Variants in ME3 observed in about 807,000 individuals in gnomAD.
The protein encoded by ME3 is NADP-dependent malic enzyme, mitochondrial.
A neutral mutation model predicts 68.9 loss-of-function variants in ME3; 48 were observed. The ratio of observed to expected loss-of-function variants is 0.70; its 90% CI spans 0.55 to 0.89. ME3 has a LOEUF of 0.89. Ranked by LOEUF, ME3 falls within the 40% of genes least tolerant of loss-of-function variation. The pLI is 0.00. For missense variants in ME3, 675 were observed against 797.4 expected (o/e 0.85, Z 1.85); for synonymous variants, 320 against 318.8 (o/e 1.00, Z -0.04).
Position 86,450,284 on chromosome 11 carries a change from C to A in ME3, c.1017+17G>T, listed in dbSNP as rs1432116267. The A allele has an allele frequency of 6.2e-7, 1 of 1,611,690 alleles. No individual in the cohort carries two copies. The highest frequency in any genetic ancestry group is 1.3e-5 in the African/African-American group (1 of 75,014). ...TCTCTTCCTGGAGCAACCAAAGAAA[C>A]CCTCAATGCCACATACCTCGCCTGC... On this transcript the variant is annotated intron_variant, in intron 9 of 14. Coordinates refer to ENST00000543262, the Ensembl canonical transcript of ME3.
At chr11:86,621,015 G>C (rs994317703) in intron 2 of ME3, among the ~76,000 whole-genome samples, 1 of 152,144 alleles carries the variant, frequency 6.6e-6, no homozygotes, top group African/African-American at 2.4e-5. Context: ...CTCCACCAAA[G>C]TAAGGTCTGG....
intron 6 of ME3, among the ~76,000 whole-genome samples, chr11:86,490,147 G>T (rs1594157794): frequency 6.6e-6 from 1 of 152,090 alleles, no homozygotes; most frequent in East Asian, 1.9e-4. Context: ...TGTGGGGGAG[G>T]GTGTAGTTTA....
intron 2 of ME3, among the ~76,000 whole-genome samples, chr11:86,619,567 A>G (rs1265438241): frequency 6.6e-6 from 1 of 152,186 alleles, no homozygotes; most frequent in Non-Finnish European, 1.5e-5. Context: ...GTGGTGGTGA[A>G]TAAGTCTCAT....
chr11:86,497,399 G>A lies in ME3; in HGVS notation c.705+564C>T, dbSNP rs550655869. ...GCGAGTCACAGACATGCCCATGGTGGTTCCCAGAGCAGAGAAACCCTTGGC... is the reference window on the plus strand; with the variant it reads ...GCGAGTCACAGACATGCCCATGGTGATTCCCAGAGCAGAGAAACCCTTGGC... On this transcript the variant is annotated intron_variant, in intron 6 of 14. Coordinates refer to ENST00000543262, the Ensembl canonical transcript of ME3. Among the ~76,000 whole-genome samples, 44 of 152,312 alleles carry A rather than the reference G, an allele frequency of 2.9e-4. No individual in the cohort carries two copies. The South Asian group carries it at 7.9e-3, about 27-fold the overall frequency.
intron 7 of ME3, among the ~76,000 whole-genome samples, chr11:86,465,598 A>G (rs932969809): frequency 5.9e-5 from 9 of 152,160 alleles, no homozygotes; most frequent in Admixed American, 4.6e-4. Flanking sequence ...AAGTGCATGC[A>G]GACAGACCAG....
chr11:86,591,894 T>C (rs1049437497), intron 2 of ME3, among the ~76,000 whole-genome samples: 1 of 151,874 alleles, frequency 6.6e-6, no homozygotes, highest in Non-Finnish European at 1.5e-5. Flanking sequence ...GAATTCAAGA[T>C]GAGATTTGGG....
At chr11:86,524,455 T>C (rs1036316127) in intron 4 of ME3, among the ~76,000 whole-genome samples, 1 of 152,180 alleles carries the variant, frequency 6.6e-6, no homozygotes, top group African/African-American at 2.4e-5. Flanking sequence ...GTTTAAGAAA[T>C]AGGCTAGGAG....
At chr11:86,538,653 C>G (rs1331254927) in intron 4 of ME3, among the ~76,000 whole-genome samples, 1 of 152,174 alleles carries the variant, frequency 6.6e-6, no homozygotes, top group Admixed American at 6.6e-5. Context: ...AGGAACTCAT[C>G]AGGCTCTTCC....
At chr11:86,532,837 A>G (rs758103467) in intron 4 of ME3, among the ~76,000 whole-genome samples, 6 of 152,226 alleles carry the variant, frequency 3.9e-5, no homozygotes, top group Non-Finnish European at 8.8e-5. Context: ...AGGTGGGCGG[A>G]TCAACTGAGG....
At chr11:86,518,027 A>C (rs918538443) in intron 4 of ME3, among the ~76,000 whole-genome samples, 1 of 152,328 alleles carries the variant, frequency 6.6e-6, no homozygotes, top group Admixed American at 6.5e-5. Flanking sequence ...AATTCTCCAA[A>C]AGCGGTAGCT....
At chr11:86,475,849 C>CTATAT (rs1951030711) in intron 7 of ME3, among the ~76,000 whole-genome samples, 2 of 108,012 alleles carry the variant, frequency 1.9e-5, no homozygotes, top group African/African-American at 7.8e-5. Flanking sequence ...TCCTAATATT[C>CTATAT]AGTATATATA....
At position 86,441,434 on chromosome 11, in the gene ME3, C is replaced by T. The variant is rs776037003; in HGVS notation, c.1660G>A (p.Asp554Asn). ...GCCAGGTTGTGTTTGTACGCGTAGT[C>T]GAGAACCTAGAGAAAAACATGTTTG... Residue 554 changes from aspartate to asparagine, a missense_variant, in exon 15 of 15, where the codon GAC becomes AAC. Coordinates refer to ENST00000543262, the Ensembl canonical transcript of ME3. 9.8e-5 allele frequency: 155 copies of T among 1,585,444 alleles called. No individual in the cohort carries two copies. The East Asian group carries it at 1.0e-3, about 11-fold the overall frequency.
At chr11:86,578,508 C>T (rs189978468) in intron 2 of ME3, among the ~76,000 whole-genome samples, 9 of 152,104 alleles carry the variant, frequency 5.9e-5, no homozygotes, top group African/African-American at 1.7e-4. Context: ...GAACTGGACA[C>T]GAGACAACCA....
At chr11:86,654,691 C>G (rs1945730309) in intron 2 of ME3, among the ~76,000 whole-genome samples, 1 of 152,214 alleles carries the variant, frequency 6.6e-6, no homozygotes, top group African/African-American at 2.4e-5. Flanking sequence ...TGGCACAAGA[C>G]AGGGATGCCC....
chr11:86,530,296 A>G (rs990581978), intron 4 of ME3, among the ~76,000 whole-genome samples: 11 of 152,296 alleles, frequency 7.2e-5, no homozygotes, highest in East Asian at 5.8e-4. Flanking sequence ...TACAAGGGAC[A>G]TGAAGGACCT....
intron 2 of ME3, among the ~76,000 whole-genome samples, chr11:86,577,397 C>G (rs541702135): frequency 1.1e-3 from 165 of 152,328 alleles, no homozygotes; most frequent in Non-Finnish European, 1.8e-3. Flanking sequence ...TAAACACTGT[C>G]TTCCTCCATG....
At chr11:86,483,630 A>G (rs753298089) in intron 7 of ME3, among the ~76,000 whole-genome samples, 17 of 152,218 alleles carry the variant, frequency 1.1e-4, no homozygotes, top group Non-Finnish European at 2.1e-4. Context: ...ATGACTTTTT[A>G]AAAAGGTTTA....
intron 2 of ME3, among the ~76,000 whole-genome samples, chr11:86,615,958 A>G (rs2135230352): frequency 6.6e-6 from 1 of 152,382 alleles, no homozygotes; most frequent in South Asian, 2.1e-4. Flanking sequence ...GAATGCATGG[A>G]TAAGCAGAAG....
Position 86,479,600 on chromosome 11 carries a change from A to AT in ME3, c.809+7736dup, listed in dbSNP as rs577982859. 2.8e-3 allele frequency among the ~76,000 whole-genome samples: 427 copies of AT among 152,046 alleles called. 2 individuals carry two copies. Among genetic ancestry groups the AT allele is most frequent in the African/African-American group, 0.01 (415 of 41,466 alleles). Reference sequence around the variant, plus strand: ...TGATGTACCTTCTATATGGAACATCATTTTTTCTCCTGCTGCTTACTTGAA... The same window carrying AT: ...TGATGTACCTTCTATATGGAACATCATTTTTTTCTCCTGCTGCTTACTTGAA... On this transcript the variant is annotated intron_variant, in intron 7 of 14. Coordinates refer to ENST00000543262, the Ensembl canonical transcript of ME3.
Sources: gnomAD v4.1 joint callset for allele counts (sites outside exome capture counted in the v4.1 genomes callset) on GRCh38, gnomAD v4.1.1 for gene constraint, MANE v1.5 for transcripts, NCBI Gene and HGNC (gene_info 2026-07-23, HGNC 2026-07-21) for gene names.